OSBPL9: variants seen among roughly 807,000 people sequenced by gnomAD.
The protein encoded by OSBPL9 is oxysterol binding protein like 9.
In OSBPL9, 40 loss-of-function variants were observed where a neutral mutation model predicts 106.6. That is an observed-to-expected ratio of 0.38 (90% confidence interval 0.29 to 0.49). The LOEUF (loss-of-function observed/expected upper bound fraction) is 0.49. OSBPL9 is among the 20% of genes least tolerant of loss of function. OSBPL9 has a pLI of 0.97. For synonymous variants in OSBPL9, 269 were observed against 295.4 expected (o/e 0.91, Z 0.92); for missense variants, 609 against 887.2 (o/e 0.69, Z 3.98).
the OSBPL9 span, among the ~76,000 whole-genome samples, chr1:51,555,365 C>T: frequency 2.6e-5 from 4 of 151,272 alleles, no homozygotes; most frequent in Non-Finnish European, 5.9e-5. Context: ...TGGCACGTGC[C>T]TGTAATCCCA....
intron 4 of OSBPL9, among the ~76,000 whole-genome samples, chr1:51,733,291 G>C (rs1282230270): frequency 6.6e-6 from 1 of 152,150 alleles, no homozygotes; most frequent in East Asian, 1.9e-4. Context: ...CACATAGTAG[G>C]TGTTCAGTAA....
chr1:51,672,102 A>G (rs1650015140), intron 3 of OSBPL9, among the ~76,000 whole-genome samples: 1 of 152,186 alleles, frequency 6.6e-6, no homozygotes, highest in South Asian at 2.1e-4. Flanking sequence ...TGACTGAGAT[A>G]AAAGGCCATT....
At chr1:51,777,131 C>A (rs543288637) in intron 15 of OSBPL9, among the ~76,000 whole-genome samples, 4 of 152,258 alleles carry the variant, frequency 2.6e-5, no homozygotes, top group African/African-American at 9.6e-5. Context: ...TTAAAAAATT[C>A]TCAAGAGCCC....
the OSBPL9 span, among the ~76,000 whole-genome samples, chr1:51,533,597 C>G: frequency 6.6e-6 from 1 of 151,510 alleles, no homozygotes; most frequent in African/African-American, 2.4e-5. Context: ...AGGGTCAGAT[C>G]AAGGAAAGCC....
rs536841301 is a variant in OSBPL9 at position 51,689,295 on chromosome 1, T to G, written c.241+19783T>G. 2.0e-5 allele frequency among the ~76,000 whole-genome samples: 3 copies of G among 152,326 alleles called. No homozygotes were observed. The East Asian group carries it at 5.8e-4, about 29-fold the overall frequency. On this transcript the variant is annotated intron_variant, in intron 3 of 23. Transcript: ENST00000428468. Reference sequence around the variant, plus strand: ...ACAAAAGAATTCAGTAGCAAATTCTTTTTTCCTATAGATTTATATTTTTGG... The same window carrying G: ...ACAAAAGAATTCAGTAGCAAATTCTGTTTTCCTATAGATTTATATTTTTGG...
At chr1:51,665,872 T>C (rs567176629) in intron 2 of OSBPL9, among the ~76,000 whole-genome samples, 3 of 151,854 alleles carry the variant, frequency 2.0e-5, no homozygotes, top group Non-Finnish European at 4.4e-5. Flanking sequence ...ATATATATAT[T>C]TTTTTAGAGT....
At chr1:51,541,403 C>A in the OSBPL9 span, among the ~76,000 whole-genome samples, 1 of 152,122 alleles carries the variant, frequency 6.6e-6, no homozygotes, top group Non-Finnish European at 1.5e-5. Context: ...CCACACATAC[C>A]CCTACTCAAA....
chr1:51,767,325 G>A (rs1403038011), intron 12 of OSBPL9, among the ~76,000 whole-genome samples: 1 of 151,782 alleles, frequency 6.6e-6, no homozygotes, highest in Non-Finnish European at 1.5e-5. Context: ...CACAGGAGGT[G>A]TAGGTTGCAG....
chr1:51,642,067 C>CTAAGTTAAACTTAGTTA (rs1645835688), intron 1 of OSBPL9, among the ~76,000 whole-genome samples: 1 of 152,014 alleles, frequency 6.6e-6, no homozygotes, highest in Non-Finnish European at 1.5e-5. Flanking sequence ...CTTAGTAACA[C>CTAAGTTAAACTTAGTTA]ACTAAAATCT....
At chr1:51,524,146 G>C in the OSBPL9 span, among the ~76,000 whole-genome samples, 1 of 152,252 alleles carries the variant, frequency 6.6e-6, no homozygotes. Flanking sequence ...GAAAGAATAT[G>C]TGAGGCAGCA....
At chr1:51,555,682 C>T in the OSBPL9 span, among the ~76,000 whole-genome samples, 2 of 152,074 alleles carry the variant, frequency 1.3e-5, no homozygotes, top group South Asian at 4.2e-4. Context: ...ATTCTCCTGC[C>T]TCAGCCTCCT....
chr1:51,653,541 C>G (rs900743304), intron 2 of OSBPL9, among the ~76,000 whole-genome samples: 1 of 152,214 alleles, frequency 6.6e-6, no homozygotes, highest in African/African-American at 2.4e-5. Flanking sequence ...TGAAGCCTCT[C>G]CACGTGCCCC....
chr1:51,756,392 C>T, intron 9 of OSBPL9, 34 bp downstream of exon 9: 1 of 1,595,478 alleles, frequency 6.3e-7, no homozygotes, highest in Non-Finnish European at 8.6e-7. Context: ...TTTCCCTTTA[C>T]TTCTGCAGAG....
At position 51,761,855 on chromosome 1, in the gene OSBPL9, C is replaced by T; in HGVS notation, c.674-12C>T. ...GTTTCTGTACCTTATTTTATACGTT[C>T]AAATCTCCTAGAACCTGTTCAGTTG... is the stretch of plus-strand genomic sequence containing the variant. On this transcript the variant is annotated splice_polypyrimidine_tract_variant and intron_variant, in intron 10 of 23. Coordinates refer to ENST00000428468, the MANE Select transcript of OSBPL9 (RefSeq NM_024586.6). 1 of 1,590,546 alleles carries T rather than the reference C, an allele frequency of 6.3e-7. No individual in the cohort carries two copies. Among genetic ancestry groups the T allele is most frequent in the Non-Finnish European group, 8.6e-7 (1 of 1,159,010 alleles).
chr1:51,661,390 T>A (rs1570886364), intron 2 of OSBPL9, among the ~76,000 whole-genome samples: 1 of 152,338 alleles, frequency 6.6e-6, no homozygotes, highest in African/African-American at 2.4e-5. Context: ...AGAATGATGA[T>A]TCATGTCTGA....
chr1:51,692,504 G>A (rs1440909387), intron 3 of OSBPL9, among the ~76,000 whole-genome samples: 1 of 152,036 alleles, frequency 6.6e-6, no homozygotes, highest in Non-Finnish European at 1.5e-5. Flanking sequence ...TGCAAAGTTA[G>A]GACAGCATCA....
intron 1 of OSBPL9, among the ~76,000 whole-genome samples, 185 bp downstream of exon 1, chr1:51,617,406 G>A (rs1411579533): frequency 1.3e-5 from 2 of 152,154 alleles, no homozygotes; most frequent in Non-Finnish European, 2.9e-5. Flanking sequence ...GGAGAGAGGG[G>A]CGCAGCCAAT....
chr1:51,593,283 A>T (rs1479057736), intron 1 of OSBPL9, among the ~76,000 whole-genome samples: 1 of 152,162 alleles, frequency 6.6e-6, no homozygotes, highest in Non-Finnish European at 1.5e-5. Context: ...TCTGTCTCCA[A>T]ACTCAACTTC....
At chr1:51,580,409 C>A (rs528768217) in intron 1 of OSBPL9, among the ~76,000 whole-genome samples, 1 of 152,244 alleles carries the variant, frequency 6.6e-6, no homozygotes, top group Admixed American at 6.5e-5. Flanking sequence ...TTAATTAAGA[C>A]AATAATGTAA....
Sources: allele counts gnomAD v4.1 joint callset (sites outside exome capture counted in the v4.1 genomes callset), GRCh38; gene constraint gnomAD v4.1.1; transcripts MANE v1.5; gene names NCBI Gene and HGNC (gene_info 2026-07-23, HGNC 2026-07-21).